The following MYO1D variants were observed in gnomAD, a reference collection of about 807,000 sequenced individuals.
MYO1D encodes the protein myosin ID, also known as unconventional myosin-Id.
In MYO1D, 83 loss-of-function variants were observed where a neutral mutation model predicts 122.0. The observed-to-expected ratio is 0.68, with a 90% confidence interval of 0.57 to 0.82. The LOEUF is 0.82. Ranked by LOEUF, MYO1D falls within the 40% of genes least tolerant of loss-of-function variation. The probability of loss-of-function intolerance (pLI) is 0.00; values close to 1 mark genes in which losing one functional copy is unlikely to be tolerated. For missense variants in MYO1D, 1,157 were observed against 1,269.5 expected (o/e 0.91, Z 1.35); for synonymous variants, 464 against 446.9 (o/e 1.04, Z -0.48).
intron 20 of MYO1D, among the ~76,000 whole-genome samples, chr17:32,632,221 C>T (rs1051190029): frequency 6.6e-6 from 1 of 152,124 alleles, no homozygotes; most frequent in Non-Finnish European, 1.5e-5. Flanking sequence ...GGTTATAGCT[C>T]ACTTCAAATA....
intron 16 of MYO1D, among the ~76,000 whole-genome samples, chr17:32,701,901 G>A (rs1327299709): frequency 6.6e-6 from 1 of 152,134 alleles, no homozygotes; most frequent in East Asian, 1.9e-4. Flanking sequence ...TGGAATAGAT[G>A]ACTACCTTAG....
At chr17:32,731,571 C>T (rs561033908) in intron 14 of MYO1D, among the ~76,000 whole-genome samples, 2 of 152,202 alleles carry the variant, frequency 1.3e-5, no homozygotes, top group East Asian at 3.9e-4. Context: ...TTCCTTAGAG[C>T]TTTGTGGAAA....
chr17:32,748,501 C>T lies in MYO1D; in HGVS notation c.1538+435G>A, dbSNP rs145104087. On this transcript the variant is annotated intron_variant, in intron 12 of 21. Transcript: ENST00000318217. The stretch of plus-strand genomic sequence containing the variant: ...GGGTTAATTATTCCTACCCACTGCT[C>T]CTATAATGCCTGTGCTTCTCTAGTT... Among the ~76,000 whole-genome samples, 924 of 152,268 alleles carry T rather than the reference C, an allele frequency of 6.1e-3. 10 individuals are homozygous for T. Among genetic ancestry groups the T allele is most frequent in the Middle Eastern group, 6.8e-3 (2 of 294 alleles).
At chr17:32,806,976 T>G (rs1044086904) in intron 1 of MYO1D, among the ~76,000 whole-genome samples, 3 of 152,226 alleles carry the variant, frequency 2.0e-5, no homozygotes, top group African/African-American at 7.2e-5. Context: ...AAAATGTAGG[T>G]GAATTTGGCA....
intron 1 of MYO1D, among the ~76,000 whole-genome samples, chr17:32,854,768 G>A (rs2091014612): frequency 6.6e-6 from 1 of 152,124 alleles, no homozygotes. Context: ...TAAACACAGG[G>A]TAAAGGTTGA....
At chr17:32,595,451 T>C (rs1016718432) in intron 21 of MYO1D, among the ~76,000 whole-genome samples, 2 of 152,158 alleles carry the variant, frequency 1.3e-5, no homozygotes, top group African/African-American at 4.8e-5. Context: ...TAAATATGTA[T>C]AATCATTGTG....
intron 14 of MYO1D, among the ~76,000 whole-genome samples, chr17:32,732,502 G>A (rs959819899): frequency 1.3e-5 from 2 of 152,046 alleles, no homozygotes; most frequent in South Asian, 2.1e-4. Context: ...ATGATGGGAC[G>A]ACCTGCCTGC....
intron 6 of MYO1D, among the ~76,000 whole-genome samples, chr17:32,768,173 G>C (rs2090078300): frequency 6.6e-6 from 1 of 152,200 alleles, no homozygotes; most frequent in Admixed American, 6.5e-5. Context: ...TATTTAGGCT[G>C]GCAACAACAC....
rs191183069 is a variant in MYO1D at position 32,567,748 on chromosome 17, G to T, written c.2864+37339C>A. 3.8e-3 allele frequency among the ~76,000 whole-genome samples: 572 copies of T among 152,314 alleles called. 1 individual carries two copies. The highest frequency in any genetic ancestry group is 6.8e-3 in the Middle Eastern group (2 of 294). On this transcript the variant is annotated intron_variant, in intron 21 of 21. Transcript: ENST00000318217. ...GTCCAAGTAGCCCTGGAAGAAGGGA[G>T]CATATGTGCACAGAAGGACACCTAC... is the stretch of plus-strand genomic sequence containing the variant.
At chr17:32,624,916 G>A (rs1441790818) in intron 20 of MYO1D, among the ~76,000 whole-genome samples, 4 of 151,674 alleles carry the variant, frequency 2.6e-5, no homozygotes, top group Admixed American at 2.6e-4. Context: ...TCAGCCTCCC[G>A]AGTAGCTGGG....
chr17:32,536,635 C>G (rs935707143), intron 21 of MYO1D, among the ~76,000 whole-genome samples: 1 of 151,962 alleles, frequency 6.6e-6, no homozygotes, highest in Non-Finnish European at 1.5e-5. Context: ...AATTAGTTTC[C>G]CAGAATTAGA....
chr17:32,828,807 C>T (rs1258012840), intron 1 of MYO1D, among the ~76,000 whole-genome samples: 1 of 152,244 alleles, frequency 6.6e-6, no homozygotes, highest in Non-Finnish European at 1.5e-5. Context: ...CTCATTTAAA[C>T]TTCAGAGCCA....
At chr17:32,652,772 C>G (rs766084706) in intron 19 of MYO1D, among the ~76,000 whole-genome samples, 13 of 152,188 alleles carry the variant, frequency 8.5e-5, no homozygotes, top group Non-Finnish European at 1.8e-4. Flanking sequence ...TTTCCCTCAC[C>G]TTCCGAATCT....
intron 20 of MYO1D, among the ~76,000 whole-genome samples, chr17:32,616,043 T>G (rs1442590058): frequency 6.6e-6 from 1 of 152,298 alleles, no homozygotes; most frequent in South Asian, 2.1e-4. Flanking sequence ...CAAACACAGA[T>G]GGTCAGTGAG....
At chr17:32,613,326 C>T (rs990652885) in intron 20 of MYO1D, among the ~76,000 whole-genome samples, 2 of 152,112 alleles carry the variant, frequency 1.3e-5, no homozygotes, top group African/African-American at 4.8e-5. Flanking sequence ...TGCTGAATCT[C>T]TCTCTCATAC....
chr17:32,547,567 T>C (rs2086974832), intron 21 of MYO1D, among the ~76,000 whole-genome samples: 1 of 152,246 alleles, frequency 6.6e-6, no homozygotes, highest in African/African-American at 2.4e-5. Flanking sequence ...AGGTTGTTCA[T>C]AATTGTCTTG....
At chr17:32,569,023 A>C (rs2087199265) in intron 21 of MYO1D, among the ~76,000 whole-genome samples, 1 of 152,224 alleles carries the variant, frequency 6.6e-6, no homozygotes, top group Non-Finnish European at 1.5e-5. Context: ...TGTTTTGTAC[A>C]TCCTTCGTGT....
At chr17:32,639,074 C>A (rs1432478936) in intron 19 of MYO1D, among the ~76,000 whole-genome samples, 2 of 151,992 alleles carry the variant, frequency 1.3e-5, no homozygotes, top group African/African-American at 4.8e-5. Flanking sequence ...CATATGTAAC[C>A]CAGACACCAT....
At chr17:32,749,728 A>AAAACC (rs1336575321) in intron 11 of MYO1D, among the ~76,000 whole-genome samples, 2 of 152,174 alleles carry the variant, frequency 1.3e-5, no homozygotes, top group Non-Finnish European at 1.5e-5. Context: ...CCCTGTCTCA[A>AAAACC]AAACCAAACC....
Sources: gnomAD v4.1 joint callset for allele counts (sites outside exome capture counted in the v4.1 genomes callset) on GRCh38, gnomAD v4.1.1 for gene constraint, MANE v1.5 for transcripts, NCBI Gene and HGNC (gene_info 2026-07-23, HGNC 2026-07-21) for gene names.